The following CPEB1 variants were observed in gnomAD, a reference collection of about 807,000 sequenced individuals.
The protein encoded by CPEB1 is cytoplasmic polyadenylation element binding protein 1, also known as cytoplasmic polyadenylation element-binding protein 1.
A neutral mutation model predicts 65.8 loss-of-function variants in CPEB1; 7 were observed. That is an observed-to-expected ratio of 0.11 (90% CI 0.06 to 0.20). The LOEUF is 0.20. CPEB1 is among the 10% of genes least tolerant of loss of function. CPEB1 has a pLI of 1.00. For synonymous variants in CPEB1, 262 were observed against 260.0 expected (o/e 1.01, Z -0.08); for missense variants, 551 against 712.2 (o/e 0.77, Z 2.58).
upstream of CPEB1, chr15:82,647,817 G>T (rs903534649): frequency 7.8e-7 from 1 of 1,283,220 alleles, no homozygotes; most frequent in East Asian, 3.2e-5. Flanking sequence ...CTGCGGCCGG[G>T]ACGCGGCCCC....
intron 1 of CPEB1, chr15:82,630,126 A>C: frequency 1.0e-6 from 1 of 985,252 alleles, no homozygotes; most frequent in Non-Finnish European, 1.2e-6. Context: ...TGCAGAGAGG[A>C]GGTCTCGCTG....
At chr15:82,576,746 G>A (rs1760718095) in intron 3 of CPEB1, among the ~76,000 whole-genome samples, 1 of 152,160 alleles carries the variant, frequency 6.6e-6, no homozygotes, top group South Asian at 2.1e-4. Context: ...CTCCAGGCTG[G>A]GTGTGGTGGC....
chr15:82,627,629 G>T (rs999937372), intron 2 of CPEB1, among the ~76,000 whole-genome samples: 9 of 152,132 alleles, frequency 5.9e-5, no homozygotes, highest in Non-Finnish European at 1.2e-4. Flanking sequence ...AAGGCAAAAA[G>T]GGGTAGGCTA....
chr15:82,552,431 C>T (rs748339761), intron 9 of CPEB1, 49 bp downstream of exon 9: 24 of 1,492,208 alleles, frequency 1.6e-5, no homozygotes, highest in South Asian at 6.9e-5. Context: ...AATCCAGTGC[C>T]TCAATATTCC....
At chr15:82,586,097 T>C (rs966079408) in intron 3 of CPEB1, among the ~76,000 whole-genome samples, 10 of 152,188 alleles carry the variant, frequency 6.6e-5, no homozygotes, top group African/African-American at 2.4e-4. Flanking sequence ...GACATCAGGA[T>C]ACAAAAGTAT....
upstream of CPEB1, chr15:82,648,219 C>A: frequency 3.8e-6 from 1 of 266,596 alleles, no homozygotes; most frequent in East Asian, 6.5e-5. Context: ...CGCGCCATCA[C>A]CTAAGTGACC....
intron 3 of CPEB1, among the ~76,000 whole-genome samples, chr15:82,580,995 G>A (rs2041229826): frequency 6.6e-6 from 1 of 152,046 alleles, no homozygotes; most frequent in Non-Finnish European, 1.5e-5. Context: ...GGGACCACAG[G>A]TGCATGTCAC....
At chr15:82,599,215 CAAG>C (rs1249202724) in intron 3 of CPEB1, among the ~76,000 whole-genome samples, 2 of 152,068 alleles carry the variant, frequency 1.3e-5, no homozygotes, top group Admixed American at 6.6e-5. Flanking sequence ...TTGAAAAATA[CAAG>C]AAGATTGGAA....
At chr15:82,611,671 AG>A (rs2044164362) in intron 3 of CPEB1, among the ~76,000 whole-genome samples, 1 of 152,090 alleles carries the variant, frequency 6.6e-6, no homozygotes, top group African/African-American at 2.4e-5. Flanking sequence ...AGGCTGAGGC[AG>A]GAAGATCACT....
chr15:82,621,271 G>A (rs1042674105), intron 3 of CPEB1, among the ~76,000 whole-genome samples: 1 of 151,580 alleles, frequency 6.6e-6, no homozygotes, highest in Non-Finnish European at 1.5e-5. Flanking sequence ...ATGGCTTGAG[G>A]CCAGGAGTCT....
chr15:82,639,793 T>G (rs1204030027), intron 1 of CPEB1, among the ~76,000 whole-genome samples: 1 of 152,030 alleles, frequency 6.6e-6, no homozygotes, highest in Admixed American at 6.5e-5. Flanking sequence ...GAAATTTTGG[T>G]ACATTTCAGG....
intron 3 of CPEB1, among the ~76,000 whole-genome samples, chr15:82,584,134 C>T (rs2041546773): frequency 6.6e-6 from 1 of 151,980 alleles, no homozygotes; most frequent in Non-Finnish European, 1.5e-5. Context: ...CGGTGGGCGC[C>T]TGCAGTCCCA....
intron 1 of CPEB1, among the ~76,000 whole-genome samples, chr15:82,631,143 G>A (rs991888240): frequency 6.6e-6 from 1 of 151,950 alleles, no homozygotes; most frequent in Non-Finnish European, 1.5e-5. Context: ...CCTTAGGAGA[G>A]GAAGGAAATC....
Position 82,553,844 on chromosome 15 carries a change from T to C in CPEB1, c.1054+34A>G, listed in dbSNP as rs767734219. On this transcript the variant is annotated intron_variant, in intron 7 of 12. Transcript: ENST00000684509. ...GCTCCTGAAAGACATGCCCCACCCT[T>C]CAACTCTTAAAGCAGGTCTTAGAGA... 5.6e-6 allele frequency: 8 copies of C among 1,429,526 alleles called. No homozygotes were observed. The African/African-American group carries it at 1.1e-4, about 20-fold the overall frequency. The allele number at this position is 1,429,526 out of a possible 1,614,324, so 88.6% of individuals were successfully genotyped here. A position where few individuals can be genotyped will look rare whatever the true frequency, so the allele number is the denominator to read the frequency against.
intron 3 of CPEB1, among the ~76,000 whole-genome samples, chr15:82,572,551 G>A (rs1567192244): frequency 1.3e-5 from 2 of 152,206 alleles, no homozygotes; most frequent in South Asian, 4.1e-4. Context: ...CAGATACAGC[G>A]GCTCAGCTCC....
intron 3 of CPEB1, among the ~76,000 whole-genome samples, chr15:82,599,500 A>G (rs2042928066): frequency 6.6e-6 from 1 of 152,230 alleles, no homozygotes; most frequent in Non-Finnish European, 1.5e-5. Context: ...ACAGGATAGA[A>G]CTACTAGTCC....
chr15:82,600,099 A>G (rs2042977243), intron 3 of CPEB1, among the ~76,000 whole-genome samples: 1 of 152,200 alleles, frequency 6.6e-6, no homozygotes, highest in South Asian at 2.1e-4. Flanking sequence ...AAGAACTCCC[A>G]AGGAAGAAAA....
intron 5 of CPEB1, chr15:82,556,368 T>C (rs1358504161): frequency 2.4e-6 from 1 of 414,620 alleles, no homozygotes; most frequent in Non-Finnish European, 4.2e-6. Context: ...GCATTTATCA[T>C]ATTCTATTTA....
chr15:82,576,998 C>G (rs1180681364), intron 3 of CPEB1, among the ~76,000 whole-genome samples: 1 of 152,132 alleles, frequency 6.6e-6, no homozygotes, highest in Non-Finnish European at 1.5e-5. Context: ...GCACTCCAGC[C>G]TGGGTGACAG....
Sources: allele counts gnomAD v4.1 joint callset (sites outside exome capture counted in the v4.1 genomes callset), GRCh38; gene constraint gnomAD v4.1.1; transcripts MANE v1.5; gene names NCBI Gene and HGNC (gene_info 2026-07-23, HGNC 2026-07-21).